Variants in ARHGEF15 observed in about 807,000 individuals in gnomAD.
The protein encoded by ARHGEF15 is Rho guanine nucleotide exchange factor (GEF) 15.
Under a neutral mutation model 79.7 loss-of-function variants are expected in ARHGEF15, and 58 were observed. That is an observed-to-expected ratio of 0.73 (90% CI 0.59 to 0.91). The LOEUF is 0.91. Among genes scored for constraint, ARHGEF15 ranks in the 40% least tolerant of loss-of-function variants. The pLI is 0.00. For missense variants in ARHGEF15, 1,012 were observed against 1,108.1 expected (o/e 0.91, Z 1.23); for synonymous variants, 442 against 456.0 (o/e 0.97, Z 0.39).
At position 8,319,173 on chromosome 17, in the gene ARHGEF15, C is replaced by T. The variant is rs371162185; in HGVS notation, c.2186+14C>T. 22 of 1,612,662 alleles carry T rather than the reference C, an allele frequency of 1.4e-5. No homozygotes were observed. In the African/African-American group the frequency reaches 2.7e-4, roughly 20 times the overall value. On this transcript the variant is annotated intron_variant, in intron 13 of 15. Transcript: ENST00000361926. ...AGCTTCTTCCCTGTGAGTTGTGTTTCCCTCAGAAAACAACCTTGGGACACT... is the reference window on the plus strand; with the variant it reads ...AGCTTCTTCCCTGTGAGTTGTGTTTTCCTCAGAAAACAACCTTGGGACACT...
chr17:8,310,286 C>T lies in ARHGEF15; in HGVS notation c.-107C>T, dbSNP rs1430092817. 6 of 152,158 alleles carry T rather than the reference C, an allele frequency of 3.9e-5. No homozygotes were observed. The highest frequency in any genetic ancestry group is 8.8e-5 in the Non-Finnish European group (6 of 68,092). 9.4% of individuals were successfully genotyped at this position (152,158 alleles called of 1,614,324 possible). ...TTGGAAACCTCAGCCCTGCATTCCT[C>T]GCTCCAAGGGGCAGACAGGACAGGC... On this transcript the variant is annotated 5_prime_UTR_variant, in exon 1 of 16. Coordinates refer to ENST00000361926, the MANE Select transcript of ARHGEF15 (RefSeq NM_173728.4).
At position 8,316,039 on chromosome 17, in the gene ARHGEF15, C is replaced by T; in HGVS notation, c.1595C>T (p.Ser532Phe). 6.2e-7 allele frequency: 1 copy of T among 1,603,110 alleles called. No homozygotes were observed. Among genetic ancestry groups the T allele is most frequent in the Non-Finnish European group, 8.5e-7 (1 of 1,179,584 alleles). The change falls in exon 9 of 16, where the codon TCC (serine) becomes TTC (phenylalanine). Residue 532 changes from serine (S) to phenylalanine (F), a missense_variant. By Grantham distance (155) the Ser-to-Phe change is radical. Coordinates refer to ENST00000361926, the MANE Select transcript of ARHGEF15 (RefSeq NM_173728.4). Reference sequence around the variant, plus strand: ...TGCAGGGACACCAACGTGCGCTTCTCCGCCGAGCTGCGCCGGCTGCAGAGC... The same window carrying T: ...TGCAGGGACACCAACGTGCGCTTCTTCGCCGAGCTGCGCCGGCTGCAGAGC... Reference protein sequence around the residue: ...SRLMDTNVRFSAELRRLQSLP... With the variant: ...SRLMDTNVRFFAELRRLQSLP...
chr17:8,311,811 C>T (rs186082193), intron 1 of ARHGEF15, among the ~76,000 whole-genome samples, 180 bp from the exon 2 acceptor site: 23 of 152,128 alleles, frequency 1.5e-4, no homozygotes, highest in Non-Finnish European at 2.5e-4. Context: ...ACACACTCCA[C>T]GGACACACGG....
intron 9 of ARHGEF15, 72 bp downstream of exon 9, chr17:8,316,220 C>T: frequency 1.9e-6 from 3 of 1,549,736 alleles, no homozygotes; most frequent in East Asian, 2.3e-5. Flanking sequence ...GCTTCTTGGC[C>T]CTCCAGCTAT....
chr17:8,317,577 C>A (rs951469382), intron 9 of ARHGEF15, among the ~76,000 whole-genome samples: 16 of 152,134 alleles, frequency 1.1e-4, no homozygotes, highest in African/African-American at 2.4e-4. Flanking sequence ...ACCTGTGTAA[C>A]CTTACCTGCA....
chr17:8,311,410 T>G (rs937405560), intron 1 of ARHGEF15, among the ~76,000 whole-genome samples: 4 of 151,786 alleles, frequency 2.6e-5, no homozygotes, highest in Non-Finnish European at 5.9e-5. Context: ...CGCCAGGACC[T>G]CCTCATCTCC....
chr17:8,319,444 G>T, intron 14 of ARHGEF15, 50 bp downstream of exon 14: 1 of 1,595,936 alleles, frequency 6.3e-7, no homozygotes, highest in Non-Finnish European at 8.5e-7. Flanking sequence ...AGTCTTAGAG[G>T]AATATGGGGG....
rs1905144977 is a variant in ARHGEF15, at chr17:8,318,088, C to A, written c.1705-299C>A. ...CGGAAGAAAAAAAAATAAGAACCTT[C>A]TTTTCAACATTTAATATGTGCCAAG... On this transcript the variant is annotated intron_variant, in intron 9 of 15. Coordinates refer to ENST00000361926, the MANE Select transcript of ARHGEF15 (RefSeq NM_173728.4). The surrounding 1 kb of genome is among the most constrained non-coding windows in gnomAD (Gnocchi z 5.0). 3.6e-6 allele frequency: 1 copy of A among 279,578 alleles called. No homozygotes were observed. The highest frequency in any genetic ancestry group is 2.2e-5 in the African/African-American group (1 of 45,748). 17.3% of individuals were successfully genotyped at this position (279,578 alleles called of 1,614,324 possible).
At position 8,318,795 on chromosome 17, in the gene ARHGEF15, G is replaced by C. The variant is rs375563358; in HGVS notation, c.1918G>C (p.Glu640Gln). 14 of 1,613,472 alleles carry C rather than the reference G, an allele frequency of 8.7e-6. No homozygotes were observed. The highest frequency in any genetic ancestry group is 1.2e-5 in the Non-Finnish European group (14 of 1,179,998). Residue 640 changes from glutamate to glutamine, a missense_variant, in exon 12 of 16, where the codon GAG becomes CAG. Glu to Gln is a conservative substitution (Grantham distance 29). This residue lies in a region of ARHGEF15 where 818 missense variants were observed against 882.5 expected (regional missense o/e 0.93). Coordinates refer to ENST00000361926, the MANE Select transcript of ARHGEF15 (RefSeq NM_173728.4). This position sits in a 1 kb window ranked among gnomAD's most constrained non-coding sequence, Gnocchi z 5.0. Reference protein sequence around the residue: ...SWSRRLEFQGELTELGCRRGG... With the variant: ...SWSRRLEFQGQLTELGCRRGG... ...GTCACGGCGCCTGGAATTCCAGGGAGAGCTGACTGAGTTAGGGTGCCGGAG... is the reference window on the plus strand; with the variant it reads ...GTCACGGCGCCTGGAATTCCAGGGACAGCTGACTGAGTTAGGGTGCCGGAG...
rs776495574 is a variant in ARHGEF15 at position 8,315,114 on chromosome 17, G to T, written c.1097G>T (p.Trp366Leu). 1.9e-6 allele frequency: 3 copies of T among 1,613,844 alleles called. No homozygotes were observed. Among genetic ancestry groups the T allele is most frequent in the South Asian group, 2.2e-5 (2 of 91,054 alleles). Residue 366 changes from tryptophan to leucine, a missense_variant, in exon 6 of 16, where the codon TGG becomes TTG. Trp to Leu is a moderately conservative substitution (Grantham distance 61). Around this residue, in one of 3 missense-constraint regions of ARHGEF15, gnomAD observed 818 missense variants for 882.5 expected, o/e 0.93. Coordinates refer to ENST00000361926, the MANE Select transcript of ARHGEF15 (RefSeq NM_173728.4). This position sits in a 1 kb window ranked among gnomAD's most constrained non-coding sequence, Gnocchi z 4.3. ...GCAGCCGTGCTGTCAGAGGAGCTGT[G>T]GGGGGTGGGTGAGGATGGGAGTCCT... ...YRAAVLSEEL[W>L]GVGEDGSPSP... is the part of the protein sequence containing the mutation.
Position 8,312,273 on chromosome 17 carries a change from C to T in ARHGEF15, c.234C>T (p.Pro78=), listed in dbSNP as rs1904677575. ...TCAAGCCCCCTGCTCTTTTGCCCCC[C>T]TCAGCTTCTAGAGCCAGCCTCGACT... The part of the protein sequence containing the change: ...ASLKPPALLP[P]SASRASLDSQ... Residue 78 remains proline, a synonymous_variant, in exon 2 of 16, where the codon CCC becomes CCT. Coordinates refer to ENST00000361926, the MANE Select transcript of ARHGEF15 (RefSeq NM_173728.4). 4.0e-6 allele frequency: 6 copies of T among 1,485,504 alleles called. No individual in the cohort carries two copies. The South Asian group carries it at 4.9e-5, about 12-fold the overall frequency. The allele number at this position is 1,485,504 out of a possible 1,614,324, so 92.0% of individuals were successfully genotyped here.
rs1185346322 is a variant in ARHGEF15 at position 8,321,809 on chromosome 17, G to A, written c.*816G>A. 6.6e-6 allele frequency: 1 copy of A among 152,222 alleles called. No homozygotes were observed. Among genetic ancestry groups the A allele is most frequent in the Non-Finnish European group, 1.5e-5 (1 of 68,064 alleles). 9.4% of individuals were successfully genotyped at this position (152,222 alleles called of 1,614,324 possible). On this transcript the variant is annotated 3_prime_UTR_variant, in exon 16 of 16. Transcript: ENST00000361926. Reference sequence around the variant, plus strand: ...GGCACCCAGGGGATGAGAGCCCTGAGCTTTGGGTCTCTTGGAGGCTAGGGT... The same window carrying A: ...GGCACCCAGGGGATGAGAGCCCTGAACTTTGGGTCTCTTGGAGGCTAGGGT...
intron 4 of ARHGEF15, 178 bp downstream of exon 4, chr17:8,313,733 T>C: frequency 1.8e-6 from 1 of 565,160 alleles, no homozygotes; most frequent in Non-Finnish European, 3.0e-6. Context: ...TTATCAATTC[T>C]GTGATCTTAT....
intron 3 of ARHGEF15, 55 bp from the exon 4 acceptor site, chr17:8,313,446 C>T (rs1904804730): frequency 6.3e-7 from 1 of 1,592,330 alleles, no homozygotes. Flanking sequence ...AGTCGGGAGT[C>T]CTGGCTGGGG....
Position 8,318,999 on chromosome 17 carries a change from C to T in ARHGEF15, c.2034-8C>T. The T allele has an allele frequency of 5.6e-6, 9 of 1,613,084 alleles. No individual in the cohort carries two copies. Among genetic ancestry groups the T allele is most frequent in the Non-Finnish European group, 7.6e-6 (9 of 1,179,724 alleles). On this transcript the variant is annotated splice_polypyrimidine_tract_variant and splice_region_variant and intron_variant, in intron 12 of 15. Transcript: ENST00000361926. The surrounding 1 kb of genome is among the most constrained non-coding windows in gnomAD (Gnocchi z 5.0). The stretch of plus-strand genomic sequence containing the variant: ...GCTGTCCTTCTGAACGACCTCATCC[C>T]TGGGCAGTGGGCAGCGGTTACAGGT...
At position 8,318,789 on chromosome 17, in the gene ARHGEF15, C is replaced by G. The variant is rs755203679; in HGVS notation, c.1912C>G (p.Gln638Glu). The G allele has an allele frequency of 1.7e-5, 28 of 1,613,424 alleles. No homozygotes were observed. Among genetic ancestry groups the G allele is most frequent in the Non-Finnish European group, 2.3e-5 (27 of 1,179,966 alleles). The change falls in exon 12 of 16, where the codon CAG (glutamine) becomes GAG (glutamate). Residue 638 changes from glutamine to glutamate, a missense_variant. By Grantham distance (29) the Gln-to-Glu change is conservative (BLOSUM62 2). Around this residue, in one of 3 missense-constraint regions of ARHGEF15, gnomAD observed 818 missense variants for 882.5 expected, o/e 0.93. Coordinates refer to ENST00000361926, the MANE Select transcript of ARHGEF15 (RefSeq NM_173728.4). The surrounding 1 kb of genome is among the most constrained non-coding windows in gnomAD (Gnocchi z 5.0). Reference protein sequence around the residue: ...LVSWSRRLEFQGELTELGCRR... With the variant: ...LVSWSRRLEFEGELTELGCRR... ...CTCCTGGTCACGGCGCCTGGAATTC[C>G]AGGGAGAGCTGACTGAGTTAGGGTG... is the stretch of plus-strand genomic sequence containing the variant.
rs1312470821 is a variant in ARHGEF15 at position 8,313,126 on chromosome 17, C to A, written c.806C>A (p.Thr269Asn). 6.2e-7 allele frequency: 1 copy of A among 1,613,426 alleles called. No homozygotes were observed. The highest frequency in any genetic ancestry group is 1.1e-5 in the South Asian group (1 of 91,072). The stretch of plus-strand genomic sequence containing the variant: ...GTTGTCCTCACATCCTACCGCTCCA[C>A]TGCTGAGCGCAAACTCCTGCCACTC... Reference protein sequence around the residue: ...PAVVLTSYRSTAERKLLPLLK... With the variant: ...PAVVLTSYRSNAERKLLPLLK... Residue 269 changes from threonine to asparagine, a missense_variant, in exon 3 of 16, where the codon ACT becomes AAT. By Grantham distance (65) the Thr-to-Asn change is moderately conservative. Coordinates refer to ENST00000361926, the MANE Select transcript of ARHGEF15 (RefSeq NM_173728.4).
At chr17:8,319,214 A>T (rs888107660) in intron 13 of ARHGEF15, 55 bp downstream of exon 13, 1 of 1,603,612 alleles carries the variant, frequency 6.2e-7, no homozygotes, top group Non-Finnish European at 8.5e-7. Context: ...GACCTCTCAG[A>T]CCTCCCCCAC....
At chr17:8,316,339 TC>T (rs1905031608) in intron 9 of ARHGEF15, among the ~76,000 whole-genome samples, 191 bp downstream of exon 9, 1 of 152,212 alleles carries the variant, frequency 6.6e-6, no homozygotes. Flanking sequence ...CCTGTGCTCT[TC>T]CCCTTACCTG....
Sources: allele counts gnomAD v4.1 joint callset (sites outside exome capture counted in the v4.1 genomes callset), GRCh38; gene constraint gnomAD v4.1.1; regional missense constraint gnomAD v4.1.1; non-coding constraint Gnocchi (gnomAD v3.1); transcripts MANE v1.5; gene names NCBI Gene and HGNC (gene_info 2026-07-23, HGNC 2026-07-21).